KIF13A: variants seen among roughly 807,000 people sequenced by gnomAD.
KIF13A encodes kinesin-like protein KIF13A.
In KIF13A, 79 loss-of-function variants were observed where a neutral mutation model predicts 212.2. The ratio of observed to expected loss-of-function variants is 0.37; its 90% CI spans 0.31 to 0.45. The LOEUF (loss-of-function observed/expected upper bound fraction) is 0.45, where lower values mean the gene tolerates loss of function less well. Among genes scored for constraint, KIF13A ranks in the 20% least tolerant of loss-of-function variants. KIF13A has a pLI of 1.00. For synonymous variants in KIF13A, 789 were observed against 808.6 expected (o/e 0.98, Z 0.41); for missense variants, 1,901 against 2,209.0 (o/e 0.86, Z 2.79).
chr6:17,896,029 T>C (rs751019022), intron 3 of KIF13A, among the ~76,000 whole-genome samples: 1 of 152,226 alleles, frequency 6.6e-6, no homozygotes, highest in Admixed American at 6.5e-5. Flanking sequence ...GAATTGGTTC[T>C]AGAACCCCCA....
intron 2 of KIF13A, among the ~76,000 whole-genome samples, chr6:17,941,601 A>G (rs1776960926): frequency 1.3e-5 from 2 of 152,110 alleles, no homozygotes; most frequent in Admixed American, 6.5e-5. Flanking sequence ...AGACGCAGGG[A>G]GAAGACAGTC....
At position 17,763,842 on chromosome 6, in the gene KIF13A, G is replaced by A; in HGVS notation, c.*268C>T. 1 of 1,255,484 alleles carries A rather than the reference G, an allele frequency of 8.0e-7. No individual in the cohort carries two copies. The highest frequency in any genetic ancestry group is 1.0e-6 in the Non-Finnish European group (1 of 998,734). 77.8% of individuals were successfully genotyped at this position (1,255,484 alleles called of 1,614,324 possible). A position where few individuals can be genotyped will look rare whatever the true frequency, so the allele number is the denominator to read the frequency against. Reference sequence around the variant, plus strand: ...GGAAAACTGGTAACTAAACATCCCAGGGAATGAATATGAGATTGATCCTTA... The same window carrying A: ...GGAAAACTGGTAACTAAACATCCCAAGGAATGAATATGAGATTGATCCTTA... On this transcript the variant is annotated 3_prime_UTR_variant, in exon 39 of 39. Transcript: ENST00000259711.
chr6:17,792,572 G>A (rs1303919514), intron 25 of KIF13A, among the ~76,000 whole-genome samples: 1 of 152,182 alleles, frequency 6.6e-6, no homozygotes, highest in Non-Finnish European at 1.5e-5. Context: ...GGACTGAACT[G>A]CTATGAGAAT....
At chr6:17,964,264 C>T (rs1435468372) in intron 2 of KIF13A, among the ~76,000 whole-genome samples, 1 of 152,088 alleles carries the variant, frequency 6.6e-6, no homozygotes, top group East Asian at 1.9e-4. Context: ...TAGCCATCGC[C>T]CTAATTCTTA....
intron 33 of KIF13A, among the ~76,000 whole-genome samples, chr6:17,778,418 T>C (rs974611366): frequency 6.6e-6 from 1 of 152,078 alleles, no homozygotes; most frequent in African/African-American, 2.4e-5. Flanking sequence ...CTATTGCTCC[T>C]ATGAAATGAC....
intron 16 of KIF13A, among the ~76,000 whole-genome samples, chr6:17,818,236 C>T (rs999159430): frequency 2.0e-5 from 3 of 152,202 alleles, no homozygotes; most frequent in East Asian, 1.9e-4. Flanking sequence ...TACATTCACA[C>T]ATTTGCCTGC....
chr6:17,780,946 A>G (rs1760509871), intron 30 of KIF13A, 40 bp from the exon 31 acceptor site: 4 of 1,576,450 alleles, frequency 2.5e-6, no homozygotes, highest in Non-Finnish European at 3.5e-6. Context: ...AAACAAGACA[A>G]AAGTCAGATG....
intron 18 of KIF13A, among the ~76,000 whole-genome samples, chr6:17,807,996 A>G (rs150939766): frequency 1.3e-5 from 2 of 152,350 alleles, no homozygotes; most frequent in East Asian, 3.9e-4. Flanking sequence ...TCAAGGTGAA[A>G]TGACAGGAAA....
chr6:17,958,284 G>C (rs533468384), intron 2 of KIF13A, among the ~76,000 whole-genome samples: 136 of 152,262 alleles, frequency 8.9e-4, no homozygotes, highest in African/African-American at 2.9e-3. Flanking sequence ...AGATACTGAA[G>C]GGGTTTGCAA....
Position 17,915,549 on chromosome 6 carries a change from A to G in KIF13A, c.147-17369T>C, listed in dbSNP as rs1270406320. Reference sequence around the variant, plus strand: ...AGTTTGACAGCGTGCAGGACCTGCCACCTTGAGGACTCTGGGAGCAAGAGA... The same window carrying G: ...AGTTTGACAGCGTGCAGGACCTGCCGCCTTGAGGACTCTGGGAGCAAGAGA... On this transcript the variant is annotated intron_variant, in intron 2 of 38. Transcript: ENST00000259711. The surrounding 1 kb of genome is among the most constrained non-coding windows in gnomAD (Gnocchi z 4.4). 1.3e-5 allele frequency among the ~76,000 whole-genome samples: 2 copies of G among 152,184 alleles called. No homozygotes were observed. The highest frequency in any genetic ancestry group is 3.8e-4 in the East Asian group (2 of 5,204).
intron 20 of KIF13A, among the ~76,000 whole-genome samples, chr6:17,802,658 C>T (rs183776136): frequency 6.6e-6 from 1 of 152,008 alleles, no homozygotes; most frequent in Admixed American, 6.6e-5. Context: ...CAGGGGGATT[C>T]ATGGAATACT....
At chr6:17,936,052 G>A (rs1244101447) in intron 2 of KIF13A, among the ~76,000 whole-genome samples, 2 of 152,158 alleles carry the variant, frequency 1.3e-5, no homozygotes, top group African/African-American at 4.8e-5. Context: ...ATGATTAAAA[G>A]TAACTTCATA....
chr6:17,863,814 T>G (rs995287660), intron 4 of KIF13A, among the ~76,000 whole-genome samples: 7 of 152,140 alleles, frequency 4.6e-5, no homozygotes, highest in African/African-American at 1.7e-4. Context: ...TGTTTTGTTT[T>G]TGCTTTGTTC....
chr6:17,819,760 G>A (rs141220200), intron 16 of KIF13A, among the ~76,000 whole-genome samples: 113 of 152,064 alleles, frequency 7.4e-4, no homozygotes, highest in African/African-American at 2.4e-3. Flanking sequence ...AAATTTTTTT[G>A]AGGGCATCTG....
At chr6:17,804,547 G>A in intron 19 of KIF13A, 37 bp from the exon 20 acceptor site, 5 of 1,491,608 alleles carry the variant, frequency 3.4e-6, no homozygotes, top group South Asian at 1.3e-5. Flanking sequence ...GGACGAATAA[G>A]AAACATAACA....
intron 6 of KIF13A, among the ~76,000 whole-genome samples, chr6:17,852,329 TG>T (rs1034183941): frequency 6.6e-6 from 1 of 152,156 alleles, no homozygotes; most frequent in African/African-American, 2.4e-5. Context: ...TGGGGAGGAT[TG>T]GGGGAAAAAG....
intron 9 of KIF13A, among the ~76,000 whole-genome samples, chr6:17,846,159 T>A (rs377217375): frequency 1.3e-5 from 2 of 148,792 alleles, no homozygotes; most frequent in East Asian, 4.1e-4. Flanking sequence ...TTTCACCATG[T>A]TGGTTAGCTT....
intron 2 of KIF13A, among the ~76,000 whole-genome samples, chr6:17,904,785 C>T (rs980200877): frequency 1.3e-5 from 2 of 152,226 alleles, no homozygotes; most frequent in Non-Finnish European, 2.9e-5. Context: ...ATGTACAATG[C>T]CCTACGACGT....
rs1418898890 is a variant in KIF13A, at chr6:17,773,853, C to T, written c.4219-270G>A. ...ACAAATGTAGTGTGATCTTTTGGTCCCATTCATCTTCCTTCCTCCCCAGAG... is the reference window on the plus strand; with the variant it reads ...ACAAATGTAGTGTGATCTTTTGGTCTCATTCATCTTCCTTCCTCCCCAGAG... On this transcript the variant is annotated intron_variant, in intron 35 of 38. Transcript: ENST00000259711. The surrounding 1 kb of genome is among the most constrained non-coding windows in gnomAD (Gnocchi z 4.2). Among the ~76,000 whole-genome samples, 1 of 151,890 alleles carries T rather than the reference C, an allele frequency of 6.6e-6. No individual in the cohort carries two copies. The highest frequency in any genetic ancestry group is 2.4e-5 in the African/African-American group (1 of 41,320).
Sources: allele counts gnomAD v4.1 joint callset (sites outside exome capture counted in the v4.1 genomes callset), GRCh38; gene constraint gnomAD v4.1.1; non-coding constraint Gnocchi (gnomAD v3.1); transcripts MANE v1.5; gene names NCBI Gene and HGNC (gene_info 2026-07-23, HGNC 2026-07-21).